The following CEP126 variants were observed in gnomAD, a reference collection of about 807,000 sequenced individuals.
CEP126 encodes the protein centrosomal protein of 126 kDa.
In CEP126, 74 loss-of-function variants were observed where a neutral mutation model predicts 107.8. That is an observed-to-expected ratio of 0.69 (90% CI 0.57 to 0.83). CEP126 has a LOEUF of 0.83. Among genes scored for constraint, CEP126 ranks in the 40% least tolerant of loss-of-function variants. The probability of loss-of-function intolerance (pLI) is 0.00; values close to 1 mark genes in which losing one functional copy is unlikely to be tolerated. For synonymous variants in CEP126, 449 were observed against 446.0 expected, an observed-to-expected ratio of 1.01 and a Z score of -0.08; for missense variants, 1,237 against 1,281.9, an observed-to-expected ratio of 0.96 and a Z score of 0.53.
intron 6 of CEP126, among the ~76,000 whole-genome samples, chr11:101,969,795 C>A (rs1941104347): frequency 6.6e-6 from 1 of 152,162 alleles, no homozygotes. Flanking sequence ...AACAGACCTA[C>A]ATATTTAAAC....
chr11:101,916,434 C>T (rs921027337), intron 1 of CEP126: 3 of 152,224 alleles, frequency 2.0e-5, no homozygotes, highest in Non-Finnish European at 4.4e-5. Flanking sequence ...ATCATGCTTT[C>T]TGCAATCTTC....
chr11:101,987,068 A>C (rs1213819082), intron 9 of CEP126, 27 bp downstream of exon 9: 1 of 1,403,270 alleles, frequency 7.1e-7, no homozygotes, highest in Admixed American at 1.8e-5. Context: ...ACCTTTTATA[A>C]GAAATACTGC....
chr11:101,946,337 A>G (rs751753824), intron 3 of CEP126, among the ~76,000 whole-genome samples: 2 of 151,744 alleles, frequency 1.3e-5, no homozygotes, highest in East Asian at 1.9e-4. Flanking sequence ...ATGAAACTCA[A>G]TCTCTACAAA....
intron 8 of CEP126, among the ~76,000 whole-genome samples, chr11:101,985,592 G>A (rs1477117519): frequency 1.3e-5 from 2 of 151,988 alleles, no homozygotes; most frequent in Admixed American, 6.6e-5. Context: ...TGAGTTTCAT[G>A]TTTAAACCTA....
At chr11:101,918,678 G>C (rs1940274597) in intron 1 of CEP126, among the ~76,000 whole-genome samples, 1 of 152,108 alleles carries the variant, frequency 6.6e-6, no homozygotes, top group African/African-American at 2.4e-5. Flanking sequence ...CTACCCCAGA[G>C]AATTTTCTCC....
chr11:101,943,037 G>A (rs769413852), intron 2 of CEP126, among the ~76,000 whole-genome samples: 1 of 151,710 alleles, frequency 6.6e-6, no homozygotes, highest in Admixed American at 6.6e-5. Flanking sequence ...ATAAGATTAT[G>A]TCATCTGGAC....
chr11:101,943,115 C>T (rs1276794475), intron 2 of CEP126, among the ~76,000 whole-genome samples: 1 of 151,320 alleles, frequency 6.6e-6, no homozygotes, highest in Non-Finnish European at 1.5e-5. Context: ...TTTGCTGTGG[C>T]TATAACTTCT....
intron 9 of CEP126, among the ~76,000 whole-genome samples, chr11:101,990,458 G>C (rs1219403358): frequency 2.6e-5 from 4 of 152,180 alleles, no homozygotes; most frequent in Non-Finnish European, 4.4e-5. Flanking sequence ...TCTACCCCTG[G>C]AAGAGGAGCA....
rs114232160 is a variant in CEP126, at chr11:101,957,979, A to G, written c.507-189A>G. Among the ~76,000 whole-genome samples the G allele has an allele frequency of 0.021, 3,170 of 152,282 alleles. 62 individuals are homozygous for G. Among genetic ancestry groups the G allele is most frequent in the African/African-American group, 0.051 (2,115 of 41,556 alleles). Reference sequence around the variant, plus strand: ...TCTTTACTGGTACTTTAGTCTCACAACTACTTTTATTCTACTATTGATTGC... The same window carrying G: ...TCTTTACTGGTACTTTAGTCTCACAGCTACTTTTATTCTACTATTGATTGC... On this transcript the variant is annotated intron_variant, in intron 4 of 10. Coordinates refer to ENST00000263468, the MANE Select transcript of CEP126 (RefSeq NM_020802.4).
intron 5 of CEP126, among the ~76,000 whole-genome samples, chr11:101,959,983 A>G (rs1232695768): frequency 6.6e-6 from 1 of 152,224 alleles, no homozygotes; most frequent in African/African-American, 2.4e-5. Flanking sequence ...ATGTTTAAAG[A>G]AACCATCGCT....
chr11:101,945,150 T>C (rs1211356905), intron 3 of CEP126, among the ~76,000 whole-genome samples: 1 of 152,116 alleles, frequency 6.6e-6, no homozygotes, highest in African/African-American at 2.4e-5. Context: ...GCAGAGTGTG[T>C]AAAGTGCCAT....
Position 101,981,941 on chromosome 11 carries a change from G to A in CEP126, c.3011G>A (p.Arg1004Lys). The A allele has an allele frequency of 6.3e-7, 1 of 1,582,614 alleles. No individual in the cohort carries two copies. Residue 1004 changes from arginine to lysine, a missense_variant, in exon 8 of 11, where the codon AGG (arginine) becomes AAG (lysine). Arg to Lys is a conservative substitution (Grantham distance 26). Transcript: ENST00000263468. ...LSSSEPKQTTRGTSYIEEVSD... is the reference protein window; with the variant it reads ...LSSSEPKQTTKGTSYIEEVSD... Reference sequence around the variant, plus strand: ...TCAAGTGAGCCAAAACAAACTACAAGGGGTACTTCTTATATTGAAGAAGGT... The same window carrying A: ...TCAAGTGAGCCAAAACAAACTACAAAGGGTACTTCTTATATTGAAGAAGGT...
intron 2 of CEP126, among the ~76,000 whole-genome samples, chr11:101,929,997 A>C (rs1178913441): frequency 8.5e-6 from 1 of 117,914 alleles, no homozygotes; most frequent in Non-Finnish European, 1.7e-5. Flanking sequence ...TTTTTTGTCT[A>C]AGCTTGATGC....
Position 101,922,778 on chromosome 11 carries a change from A to T in CEP126, c.248+18A>T, listed in dbSNP as rs1399339327. The T allele has an allele frequency of 6.3e-7, 1 of 1,595,822 alleles. No homozygotes were observed. Among genetic ancestry groups the T allele is most frequent in the Non-Finnish European group, 8.6e-7 (1 of 1,166,160 alleles). ...AGAAAAAAGTAAGTAATTGCACTTT[A>T]TTCAGAAGTATAGAAATTCAAAGTC... On this transcript the variant is annotated intron_variant, in intron 2 of 10. Coordinates refer to ENST00000263468, the MANE Select transcript of CEP126 (RefSeq NM_020802.4).
At chr11:101,989,687 C>G (rs191105816) in intron 9 of CEP126, among the ~76,000 whole-genome samples, 1 of 152,140 alleles carries the variant, frequency 6.6e-6, no homozygotes, top group Admixed American at 6.5e-5. Context: ...AGGCCGGGCG[C>G]GGTGCCTCAC....
chr11:101,935,836 C>G (rs1034017078), intron 2 of CEP126, among the ~76,000 whole-genome samples: 5 of 151,958 alleles, frequency 3.3e-5, no homozygotes, highest in African/African-American at 1.2e-4. Context: ...ACAGTACTTG[C>G]CTGCTGTCCA....
Position 101,962,730 on chromosome 11 carries a change from C to T in CEP126, c.1695C>T (p.Asn565=), listed in dbSNP as rs746199302. 2 of 1,612,700 alleles carry T rather than the reference C, an allele frequency of 1.2e-6. No homozygotes were observed. The highest frequency in any genetic ancestry group is 1.7e-6 in the Non-Finnish European group (2 of 1,179,526). ...GCCAGCATAAGAAAATGAAATACAA[C>T]ATCCATGAGAGAAATGGTGTGAGAT... is the stretch of plus-strand genomic sequence containing the variant. ...FVGQHKKMKY[N]IHERNGVRFL... is the part of the protein sequence containing the mutation. Residue 565 remains asparagine (N), a synonymous_variant, in exon 6 of 11, where the codon AAC becomes AAT. Coordinates refer to ENST00000263468, the MANE Select transcript of CEP126 (RefSeq NM_020802.4).
At chr11:101,994,940 A>G (rs987716737) in intron 10 of CEP126, among the ~76,000 whole-genome samples, 1 of 151,124 alleles carries the variant, frequency 6.6e-6, no homozygotes, top group Admixed American at 6.6e-5. Flanking sequence ...TTTGTTACAT[A>G]GGTATACATG....
At position 101,963,693 on chromosome 11, in the gene CEP126, C is replaced by A. The variant is rs774738402; in HGVS notation, c.2658C>A (p.Phe886Leu). Residue 886 changes from phenylalanine (F) to leucine (L), a missense_variant, in exon 6 of 11, where the codon TTC (phenylalanine) becomes TTA (leucine). Around this residue, in one of 3 missense-constraint regions of CEP126, gnomAD observed 1,134 missense variants for 1,150.5 expected, o/e 0.99. Transcript: ENST00000263468. ...ATTGTTCTTCAGAGTGCCAAACTTT[C>A]GCAAAAATAAATCATTCAAATGGCA... ...PSYCSSECQT[F>L]AKINHSNGTQ... The A allele has an allele frequency of 6.2e-7, 1 of 1,614,028 alleles. No individual in the cohort carries two copies. Among genetic ancestry groups the A allele is most frequent in the South Asian group, 1.1e-5 (1 of 91,070 alleles).
Sources: gnomAD v4.1 joint callset for allele counts (sites outside exome capture counted in the v4.1 genomes callset) on GRCh38, gnomAD v4.1.1 for gene constraint, gnomAD v4.1.1 regional missense constraint, MANE v1.5 for transcripts, NCBI Gene and HGNC (gene_info 2026-07-23, HGNC 2026-07-21) for gene names.